CSMD1: variants seen among roughly 807,000 people sequenced by gnomAD.
CSMD1 encodes the protein CUB and sushi domain-containing protein 1.
CSMD1 carries 213 observed loss-of-function variants against 417.5 expected under a neutral mutation model. The ratio of observed to expected loss-of-function variants is 0.51; its 90% CI spans 0.46 to 0.57. The LOEUF is 0.57. CSMD1 is among the 20% of genes least tolerant of loss of function. The pLI is 0.00. For missense variants in CSMD1, 6,923 were observed against 4,529.7 expected (o/e 1.53, Z -15.17); for synonymous variants, 2,862 against 1,736.8 (o/e 1.65, Z -16.11).
intron 3 of CSMD1, among the ~76,000 whole-genome samples, chr8:4,066,380 A>C (rs1221584402): frequency 6.6e-6 from 1 of 152,168 alleles, no homozygotes; most frequent in Non-Finnish European, 1.5e-5. Flanking sequence ...CACTCAGCGC[A>C]GGGATGTTTG....
At chr8:4,092,854 T>A (rs984683515) in intron 3 of CSMD1, among the ~76,000 whole-genome samples, 8 of 152,194 alleles carry the variant, frequency 5.3e-5, no homozygotes, top group Non-Finnish European at 1.2e-4. Context: ...GGTTGAATAA[T>A]CATTATAAGT....
intron 2 of CSMD1, among the ~76,000 whole-genome samples, chr8:4,513,476 A>G (rs1223335415): frequency 6.6e-6 from 1 of 152,212 alleles, no homozygotes; most frequent in East Asian, 1.9e-4. Flanking sequence ...CATACCCACA[A>G]CAAAGATGAA....
intron 1 of CSMD1, among the ~76,000 whole-genome samples, chr8:4,656,316 G>A (rs1212248822): frequency 6.6e-6 from 1 of 151,998 alleles, no homozygotes; most frequent in Non-Finnish European, 1.5e-5. Flanking sequence ...CATCTGAGAG[G>A]CAACCTTCAG....
intron 5 of CSMD1, among the ~76,000 whole-genome samples, chr8:3,928,314 T>C (rs886580645): frequency 4.6e-5 from 7 of 152,348 alleles, no homozygotes; most frequent in Middle Eastern, 6.8e-3. Context: ...GAATGTATTT[T>C]TCTTTTAATT....
intron 7 of CSMD1, among the ~76,000 whole-genome samples, chr8:3,620,095 C>G (rs183402272): frequency 2.4e-4 from 36 of 151,814 alleles, no homozygotes; most frequent in African/African-American, 8.5e-4. Flanking sequence ...GAGCAAGGCT[C>G]CAACTGAAGA....
At chr8:4,068,568 C>A (rs1438568102) in intron 3 of CSMD1, among the ~76,000 whole-genome samples, 2 of 152,148 alleles carry the variant, frequency 1.3e-5, no homozygotes, top group African/African-American at 4.8e-5. Flanking sequence ...GCCACTGGAC[C>A]TTCTCAAATG....
At chr8:3,977,443 A>C (rs940527254) in intron 5 of CSMD1, among the ~76,000 whole-genome samples, 30 of 151,972 alleles carry the variant, frequency 2.0e-4, no homozygotes, top group Non-Finnish European at 4.0e-4. Context: ...ATGTTCTCTG[A>C]GTTGTTTTGG....
chr8:4,821,399 G>C (rs912176208), intron 1 of CSMD1, among the ~76,000 whole-genome samples: 2 of 152,104 alleles, frequency 1.3e-5, no homozygotes, highest in Non-Finnish European at 2.9e-5. Context: ...AGCAAACCTA[G>C]ATTTTTCTTC....
intron 3 of CSMD1, among the ~76,000 whole-genome samples, chr8:4,246,157 G>T (rs553321636): frequency 6.6e-6 from 1 of 152,052 alleles, no homozygotes; most frequent in South Asian, 2.1e-4. Context: ...TTATTTTCCT[G>T]ATCCCCTCTT....
At chr8:4,462,849 G>A (rs756226048) in intron 2 of CSMD1, among the ~76,000 whole-genome samples, 1 of 152,070 alleles carries the variant, frequency 6.6e-6, no homozygotes, top group East Asian at 1.9e-4. Context: ...TGTAAGAAGT[G>A]CAGCTCAAAC....
intron 1 of CSMD1, among the ~76,000 whole-genome samples, chr8:4,916,787 C>T (rs1166255910): frequency 2.0e-5 from 3 of 152,146 alleles, no homozygotes; most frequent in Admixed American, 1.3e-4. Context: ...TAGATGCTAA[C>T]GTAGGCTTTA....
At chr8:3,449,050 G>C (rs562932142) in intron 12 of CSMD1, among the ~76,000 whole-genome samples, 1 of 152,178 alleles carries the variant, frequency 6.6e-6, no homozygotes, top group East Asian at 1.9e-4. Flanking sequence ...AAAGGAAATG[G>C]GAAAGGATCA....
At chr8:3,654,008 A>G (rs958698986) in intron 7 of CSMD1, among the ~76,000 whole-genome samples, 5 of 152,174 alleles carry the variant, frequency 3.3e-5, no homozygotes, top group Admixed American at 6.5e-5. Context: ...ATTGATGTGA[A>G]AAGCAAATGT....
intron 1 of CSMD1, among the ~76,000 whole-genome samples, chr8:4,718,768 T>A (rs932461347): frequency 6.6e-6 from 1 of 152,076 alleles, no homozygotes; most frequent in Non-Finnish European, 1.5e-5. Context: ...GAAAATACTC[T>A]TTTTAAAGCA....
chr8:3,768,218 C>A (rs955543551), intron 5 of CSMD1, among the ~76,000 whole-genome samples: 2 of 152,104 alleles, frequency 1.3e-5, no homozygotes, highest in South Asian at 2.1e-4. Context: ...GCATAGACAA[C>A]CATACAGTGG....
chr8:4,601,616 C>T (rs978008434), intron 2 of CSMD1, among the ~76,000 whole-genome samples: 1 of 152,176 alleles, frequency 6.6e-6, no homozygotes, highest in East Asian at 1.9e-4. Context: ...CAGCCTTCAA[C>T]ATTTACAGAT....
chr8:3,494,088 T>A (rs558606048), intron 10 of CSMD1, among the ~76,000 whole-genome samples: 14 of 152,362 alleles, frequency 9.2e-5, no homozygotes, highest in African/African-American at 3.4e-4. Flanking sequence ...TAATGACATA[T>A]ATTTTTACCA....
intron 4 of CSMD1, among the ~76,000 whole-genome samples, chr8:4,017,472 A>C (rs1796578457): frequency 6.6e-6 from 1 of 151,808 alleles, no homozygotes; most frequent in African/African-American, 2.4e-5. Flanking sequence ...ATTCCCAGCT[A>C]ATTTTGTTTT....
intron 23 of CSMD1, among the ~76,000 whole-genome samples, chr8:3,315,434 G>T (rs1050358498): frequency 3.3e-5 from 3 of 89,932 alleles, no homozygotes; most frequent in Non-Finnish European, 7.0e-5. Context: ...TCTAGGTGAA[G>T]TGAGTGTGTG....
Sources: allele counts gnomAD v4.1 joint callset (sites outside exome capture counted in the v4.1 genomes callset), GRCh38; gene constraint gnomAD v4.1.1; transcripts MANE v1.5; gene names NCBI Gene and HGNC (gene_info 2026-07-23, HGNC 2026-07-21).